The following PTER variants were observed in gnomAD, a reference collection of about 807,000 sequenced individuals.
The protein encoded by PTER is N-acetyltaurine hydrolase.
In PTER, 38 loss-of-function variants were observed where a neutral mutation model predicts 29.6. The observed-to-expected ratio is 1.28, with a 90% CI of 0.99 to 1.68. The LOEUF is 1.68. Ranked by LOEUF, PTER falls within the 40% of genes most tolerant of loss-of-function variation. The pLI is 0.00. For synonymous variants in PTER, 172 were observed against 154.5 expected (o/e 1.11, Z -0.84); for missense variants, 482 against 427.8 (o/e 1.13, Z -1.12).
At chr10:16,467,636 A>C (rs1834886840) in intron 1 of PTER, among the ~76,000 whole-genome samples, 1 of 152,124 alleles carries the variant, frequency 6.6e-6, no homozygotes, top group Non-Finnish European at 1.5e-5. Flanking sequence ...ACATGGTGAA[A>C]CGCAGTCTCT....
At chr10:16,465,405 C>T (rs530044296) in intron 1 of PTER, among the ~76,000 whole-genome samples, 2 of 152,078 alleles carry the variant, frequency 1.3e-5, no homozygotes, top group Non-Finnish European at 2.9e-5. Flanking sequence ...GTGAAATTAG[C>T]ACGTTTGGAA....
At chr10:16,491,265 AG>A (rs1385386628) in intron 3 of PTER, among the ~76,000 whole-genome samples, 1 of 152,208 alleles carries the variant, frequency 6.6e-6, no homozygotes. Context: ...GGAGGCAGCT[AG>A]GGAACATGGC....
In PTER at chr10:16,446,832, C is replaced by T. The variant is rs542006661; in HGVS notation, c.-49+9785C>T. Among the ~76,000 whole-genome samples the T allele has an allele frequency of 2.6e-5, 4 of 152,016 alleles. No individual in the cohort carries two copies. In the South Asian group the frequency reaches 6.2e-4, roughly 24 times the overall value. ...GAGACAGGGTCTCCCTCTGTTGACT[C>T]GGCGAGAGTGCATTGGTGCAATCTC... is the stretch of plus-strand genomic sequence containing the variant. On this transcript the variant is annotated intron_variant, in intron 1 of 4. Coordinates refer to ENST00000535784, the MANE Select transcript of PTER (RefSeq NM_001261836.2).
At chr10:16,505,191 C>G in intron 4 of PTER, 31 bp downstream of exon 4, 5 of 1,610,166 alleles carry the variant, frequency 3.1e-6, no homozygotes, top group Non-Finnish European at 4.2e-6. Context: ...CATAGCATTC[C>G]CTTTCCCTAG....
At chr10:16,463,667 C>T (rs1293378141) in intron 1 of PTER, among the ~76,000 whole-genome samples, 2 of 152,186 alleles carry the variant, frequency 1.3e-5, no homozygotes, top group East Asian at 1.9e-4. Flanking sequence ...CCGCTCATCT[C>T]GGCTTCCCAA....
chr10:16,472,508 A>C (rs1835090465), intron 1 of PTER, among the ~76,000 whole-genome samples: 1 of 152,154 alleles, frequency 6.6e-6, no homozygotes, highest in Non-Finnish European at 1.5e-5. Flanking sequence ...GCCTGCTGCC[A>C]TGTAAGTCAT....
Position 16,486,518 on chromosome 10 carries a change from T to G in PTER, c.599T>G (p.Ile200Ser). 6.2e-7 allele frequency: 1 copy of G among 1,614,054 alleles called. No individual in the cohort carries two copies. Among genetic ancestry groups the G allele is most frequent in the South Asian group, 1.1e-5 (1 of 91,080 alleles). Residue 200 changes from isoleucine (I) to serine (S), a missense_variant, in exon 3 of 5, where the codon ATC becomes AGC. Physicochemically the swap from Ile to Ser is moderately radical, Grantham distance 142. Transcript: ENST00000535784. ...GCTCAGCTTGGTTGTCCTGTTATTA[T>G]CCATCCTGGACGGAGCTCCAGGGCA... Reference protein sequence around the residue: ...AQAQLGCPVIIHPGRSSRAPF... With the variant: ...AQAQLGCPVISHPGRSSRAPF...
Position 16,476,789 on chromosome 10 carries a change from C to G in PTER, c.-48-7548C>G, listed in dbSNP as rs147312539. 1.6e-3 allele frequency among the ~76,000 whole-genome samples: 242 copies of G among 151,800 alleles called. 2 individuals carry two copies. The highest frequency in any genetic ancestry group is 5.5e-3 in the African/African-American group (226 of 41,384). ...TGTTTCCCAGGCTGGTCTCAAACTT[C>G]TAGACTCAAGCAATTGTCCCACCTC... is the stretch of plus-strand genomic sequence containing the variant. On this transcript the variant is annotated intron_variant, in intron 1 of 4. Transcript: ENST00000535784.
intron 1 of PTER, among the ~76,000 whole-genome samples, chr10:16,463,548 C>T (rs376889827): frequency 7.0e-4 from 107 of 152,120 alleles, no homozygotes; most frequent in African/African-American, 2.2e-3. Flanking sequence ...CCCGATTAGC[C>T]GGGATTACAG....
At chr10:16,503,330 G>C (rs1836436541) in intron 3 of PTER, among the ~76,000 whole-genome samples, 3 of 151,752 alleles carry the variant, frequency 2.0e-5, no homozygotes, top group Admixed American at 2.0e-4. Flanking sequence ...GGTTTCAAGT[G>C]ATTCTCATGC....
At chr10:16,497,708 C>G (rs1374059989) in intron 3 of PTER, among the ~76,000 whole-genome samples, 1 of 152,188 alleles carries the variant, frequency 6.6e-6, no homozygotes, top group Non-Finnish European at 1.5e-5. Context: ...CCCACAGACC[C>G]TTGTCTAAAT....
chr10:16,442,859 C>T (rs953482381), intron 1 of PTER, among the ~76,000 whole-genome samples: 1 of 152,072 alleles, frequency 6.6e-6, no homozygotes, highest in Non-Finnish European at 1.5e-5. Flanking sequence ...GTAAGTCCAG[C>T]TACTCAGGAG....
intron 1 of PTER, among the ~76,000 whole-genome samples, chr10:16,482,685 A>G (rs1835524737): frequency 6.6e-6 from 1 of 151,850 alleles, no homozygotes; most frequent in African/African-American, 2.4e-5. Flanking sequence ...AGAGTCTGGG[A>G]CTCGAGTCCT....
chr10:16,461,834 G>A (rs1255745511), intron 1 of PTER, among the ~76,000 whole-genome samples: 2 of 151,934 alleles, frequency 1.3e-5, no homozygotes, highest in African/African-American at 4.8e-5. Context: ...ACCATATATT[G>A]CCCTAGGGTT....
At chr10:16,509,350 A>G (rs865921129) in intron 4 of PTER, among the ~76,000 whole-genome samples, 2 of 152,192 alleles carry the variant, frequency 1.3e-5, no homozygotes, top group Non-Finnish European at 2.9e-5. Flanking sequence ...GGTTTTAAGT[A>G]TGAGTATCTT....
At chr10:16,483,490 A>C (rs113150404) in intron 1 of PTER, among the ~76,000 whole-genome samples, 1,907 of 152,220 alleles carry the variant, frequency 0.013, 44 homozygotes, top group African/African-American at 0.044. Flanking sequence ...TATGGCTCTA[A>C]TTTCTGACAC....
chr10:16,440,698 C>A (rs891113581), intron 1 of PTER, among the ~76,000 whole-genome samples: 1 of 152,218 alleles, frequency 6.6e-6, no homozygotes, highest in African/African-American at 2.4e-5. Context: ...TTTCCCTCTG[C>A]CGCAGTGACC....
chr10:16,500,400 C>T lies in PTER; in HGVS notation c.699-4620C>T, dbSNP rs138285800. Among the ~76,000 whole-genome samples the T allele has an allele frequency of 2.5e-3, 381 of 152,204 alleles. 4 individuals carry two copies. Among genetic ancestry groups the T allele is most frequent in the African/African-American group, 8.1e-3 (337 of 41,550 alleles). ...GAGCAACTGGGACCACAGGCACACACCACCACACCCTGCTAATTTTTAAAG... is the reference window on the plus strand; with the variant it reads ...GAGCAACTGGGACCACAGGCACACATCACCACACCCTGCTAATTTTTAAAG... On this transcript the variant is annotated intron_variant, in intron 3 of 4. Transcript: ENST00000535784.
At chr10:16,508,061 TTTC>T (rs1398403749) in intron 4 of PTER, among the ~76,000 whole-genome samples, 1 of 130,852 alleles carries the variant, frequency 7.6e-6, no homozygotes, top group African/African-American at 3.3e-5. Context: ...TTTTTCTTTT[TTTC>T]TTTTTCTTTT....
Sources: gnomAD v4.1 joint callset for allele counts (sites outside exome capture counted in the v4.1 genomes callset) on GRCh38, gnomAD v4.1.1 for gene constraint, MANE v1.5 for transcripts, NCBI Gene and HGNC (gene_info 2026-07-23, HGNC 2026-07-21) for gene names.